WDFY1: variants seen among roughly 807,000 people sequenced by gnomAD.
The protein encoded by WDFY1 is WD repeat and FYVE domain-containing protein 1.
Under a neutral mutation model 56.4 loss-of-function variants are expected in WDFY1, and 32 were observed. The observed-to-expected ratio is 0.57, with a 90% CI of 0.43 to 0.76. The LOEUF (loss-of-function observed/expected upper bound fraction) is 0.76. Among genes scored for constraint, WDFY1 ranks in the 30% least tolerant of loss-of-function variants. The probability of loss-of-function intolerance (pLI) is 0.00; values close to 1 mark genes in which losing one functional copy is unlikely to be tolerated. For missense variants in WDFY1, 480 were observed against 545.7 expected (o/e 0.88, Z 1.20); for synonymous variants, 192 against 197.3 (o/e 0.97, Z 0.23).
In WDFY1 at chr2:223,906,955, C is replaced by CATT. The variant is rs60121017; in HGVS notation, c.280-957_280-955dup. The stretch of plus-strand genomic sequence containing the variant: ...AAGAAAAATCACGAATTACTACTAC[C>CATT]ATTATTATTATTATTATTATTATTA... On this transcript the variant is annotated intron_variant, in intron 3 of 11. Transcript: ENST00000233055. 9.0e-3 allele frequency among the ~76,000 whole-genome samples: 595 copies of CATT among 65,802 alleles called. 26 individuals carry two copies. The East Asian group carries it at 0.21, about 23-fold the overall frequency. The allele number at this position is 65,802 out of a possible 152,430, so 43.2% of individuals were successfully genotyped here.
At chr2:223,885,328 C>T (rs1693154820) in intron 8 of WDFY1, among the ~76,000 whole-genome samples, 1 of 151,948 alleles carries the variant, frequency 6.6e-6, no homozygotes, top group African/African-American at 2.4e-5. Context: ...ATAGCTGGGA[C>T]CACAGGTGAG....
At position 223,912,261 on chromosome 2, in the gene WDFY1, C is replaced by G; in HGVS notation, c.271G>C (p.Ala91Pro). ...TTCTAAAAGCTACCTACCATTACAG[C>G]TCCATTATCCTGGCCCACAAATATC... ...RRIFVGQDNG[A>P]VMEFHVSEDF... The change falls in exon 3 of 12, where the codon GCT becomes CCT. Residue 91 changes from alanine (A) to proline (P), a missense_variant. By Grantham distance (27) the Ala-to-Pro change is conservative. Coordinates refer to ENST00000233055, the MANE Select transcript of WDFY1 (RefSeq NM_020830.5). 1 of 1,608,866 alleles carries G rather than the reference C, an allele frequency of 6.2e-7. No homozygotes were observed. Among genetic ancestry groups the G allele is most frequent in the Non-Finnish European group, 8.5e-7 (1 of 1,178,474 alleles).
intron 9 of WDFY1, 77 bp downstream of exon 9, chr2:223,884,571 C>T (rs1231141606): frequency 7.1e-7 from 1 of 1,411,874 alleles, no homozygotes. Flanking sequence ...AAGTGTGTTT[C>T]AAAAAAACCC....
chr2:223,885,447 T>G (rs79829361), intron 8 of WDFY1, among the ~76,000 whole-genome samples: 7,849 of 152,186 alleles, frequency 0.052, 441 homozygotes, highest in East Asian at 0.27. Context: ...TCCTTCTGCC[T>G]CAGCCCCACA....
At chr2:223,937,464 T>C (rs1689211779) in intron 1 of WDFY1, among the ~76,000 whole-genome samples, 1 of 152,210 alleles carries the variant, frequency 6.6e-6, no homozygotes, top group Non-Finnish European at 1.5e-5. Flanking sequence ...AACACTTGCA[T>C]AATGTTTTCT....
intron 8 of WDFY1, among the ~76,000 whole-genome samples, chr2:223,891,850 A>C (rs1433475634): frequency 6.6e-6 from 1 of 152,212 alleles, no homozygotes; most frequent in African/African-American, 2.4e-5. Flanking sequence ...ACTGAAAAAT[A>C]ATAGGCCAAG....
intron 11 of WDFY1, 51 bp downstream of exon 11, chr2:223,880,073 T>C (rs751125299): frequency 2.0e-6 from 3 of 1,471,246 alleles, no homozygotes; most frequent in Non-Finnish European, 2.9e-6. Context: ...ATTCACAGCA[T>C]GGTAATAGGC....
At chr2:223,941,863 T>C (rs1689310167) in intron 1 of WDFY1, among the ~76,000 whole-genome samples, 2 of 152,176 alleles carry the variant, frequency 1.3e-5, no homozygotes, top group Non-Finnish European at 2.9e-5. Flanking sequence ...CCACCATGGC[T>C]AACACCAAGA....
chr2:223,919,554 G>A (rs1371287110), intron 1 of WDFY1, among the ~76,000 whole-genome samples: 1 of 152,118 alleles, frequency 6.6e-6, no homozygotes, highest in African/African-American at 2.4e-5. Context: ...CTGTGGCCCA[G>A]GCTGGAGTGC....
chr2:223,875,432 C>G lies in WDFY1; in HGVS notation c.*3239G>C, dbSNP rs1308361602. The G allele has an allele frequency of 1.3e-5, 2 of 149,176 alleles. No homozygotes were observed. Among genetic ancestry groups the G allele is most frequent in the African/African-American group, 4.9e-5 (2 of 40,852 alleles). 9.2% of individuals were successfully genotyped at this position (149,176 alleles called of 1,614,324 possible). A position where few individuals can be genotyped will look rare whatever the true frequency, so the allele number is the denominator to read the frequency against. ...AGAACCCACAAATAGGAGCAAAGAACAGTTTTCTAGCATCTCTGGGATACA... is the reference window on the plus strand; with the variant it reads ...AGAACCCACAAATAGGAGCAAAGAAGAGTTTTCTAGCATCTCTGGGATACA... On this transcript the variant is annotated 3_prime_UTR_variant, in exon 12 of 12. Transcript: ENST00000233055.
chr2:223,912,589 A>C (rs566507762), intron 2 of WDFY1, among the ~76,000 whole-genome samples: 2 of 152,338 alleles, frequency 1.3e-5, no homozygotes, highest in African/African-American at 4.8e-5. Flanking sequence ...CATCTGACTG[A>C]AAGTACTACC....
At chr2:223,914,469 A>G (rs1693756397) in intron 2 of WDFY1, among the ~76,000 whole-genome samples, 1 of 152,284 alleles carries the variant, frequency 6.6e-6, no homozygotes, top group South Asian at 2.1e-4. Context: ...CTACATTTAT[A>G]TATAACTTAT....
At chr2:223,920,185 G>T (rs534131875) in intron 1 of WDFY1, among the ~76,000 whole-genome samples, 1 of 152,182 alleles carries the variant, frequency 6.6e-6, no homozygotes, top group African/African-American at 2.4e-5. Context: ...ACAGGTATGC[G>T]ATTTGAAGGC....
At chr2:223,899,867 A>C (rs1329455773) in intron 5 of WDFY1, among the ~76,000 whole-genome samples, 2 of 152,266 alleles carry the variant, frequency 1.3e-5, no homozygotes, top group African/African-American at 4.8e-5. Flanking sequence ...TGTAAATCTG[A>C]CAGTAAATAC....
chr2:223,929,528 G>A (rs1488121287), intron 1 of WDFY1, among the ~76,000 whole-genome samples: 1 of 152,070 alleles, frequency 6.6e-6, no homozygotes, highest in Non-Finnish European at 1.5e-5. Context: ...CTGAACTGTT[G>A]TGGCACACAC....
intron 1 of WDFY1, among the ~76,000 whole-genome samples, chr2:223,944,567 C>A (rs1398060935): frequency 6.6e-6 from 1 of 151,052 alleles, no homozygotes; most frequent in African/African-American, 2.4e-5. Flanking sequence ...TGCGTTGGGG[C>A]GCACTGGAAC....
intron 8 of WDFY1, among the ~76,000 whole-genome samples, chr2:223,885,644 T>C (rs1029706392): frequency 6.6e-6 from 1 of 152,184 alleles, no homozygotes; most frequent in Non-Finnish European, 1.5e-5. Context: ...CCAAAGATGT[T>C]TGAACTCTAA....
chr2:223,880,333 G>A, intron 10 of WDFY1, 101 bp from the exon 11 acceptor site: 4 of 1,008,564 alleles, frequency 4.0e-6, no homozygotes, highest in African/African-American at 1.6e-5. Flanking sequence ...ATGGCCAGGT[G>A]CAGTGGCTCA....
At chr2:223,936,842 T>C (rs780122877) in intron 1 of WDFY1, among the ~76,000 whole-genome samples, 2 of 152,226 alleles carry the variant, frequency 1.3e-5, no homozygotes, top group Non-Finnish European at 2.9e-5. Flanking sequence ...ATAAAGTCTC[T>C]AAGGAGCTTC....
Sources: gnomAD v4.1 joint callset for allele counts (sites outside exome capture counted in the v4.1 genomes callset) on GRCh38, gnomAD v4.1.1 for gene constraint, MANE v1.5 for transcripts, NCBI Gene and HGNC (gene_info 2026-07-23, HGNC 2026-07-21) for gene names.